Variants in PTPRT observed in about 807,000 individuals in gnomAD.
The protein encoded by PTPRT is protein tyrosine phosphatase receptor type T.
A neutral mutation model predicts 176.8 loss-of-function variants in PTPRT; 56 were observed. The ratio of observed to expected loss-of-function variants is 0.32; its 90% confidence interval spans 0.26 to 0.40. The LOEUF (loss-of-function observed/expected upper bound fraction) is 0.40. Ranked by LOEUF, PTPRT falls within the 10% of genes least tolerant of loss-of-function variation. The pLI, the probability that PTPRT is intolerant of heterozygous loss-of-function variation, is 1.00. For synonymous variants in PTPRT, 783 were observed against 739.0 expected (o/e 1.06, Z -0.96); for missense variants, 1,540 against 1,908.2 (o/e 0.81, Z 3.60).
intron 7 of PTPRT, among the ~76,000 whole-genome samples, chr20:42,648,371 C>T (rs1253365747): frequency 6.6e-6 from 1 of 152,168 alleles, no homozygotes; most frequent in Non-Finnish European, 1.5e-5. Context: ...CCAAGCCCGG[C>T]AGAGAGAGAA....
chr20:42,441,496 C>T (rs568904810), intron 9 of PTPRT, among the ~76,000 whole-genome samples: 76 of 152,278 alleles, frequency 5.0e-4, no homozygotes, highest in African/African-American at 1.7e-3. Flanking sequence ...CCTTCAGTGC[C>T]TCGAAGTTAA....
At chr20:42,236,182 T>C in intron 15 of PTPRT, 47 bp downstream of exon 15, 1 of 1,508,266 alleles carries the variant, frequency 6.6e-7, no homozygotes. Flanking sequence ...ATGCTACAGG[T>C]TCCCTTACAG....
intron 2 of PTPRT, among the ~76,000 whole-genome samples, chr20:42,797,391 G>A (rs752571608): frequency 1.3e-5 from 2 of 152,116 alleles, no homozygotes; most frequent in African/African-American, 2.4e-5. Context: ...AAAGCCAACC[G>A]TGACATGTTC....
At chr20:42,842,698 G>A (rs1163519548) in intron 2 of PTPRT, among the ~76,000 whole-genome samples, 1 of 152,192 alleles carries the variant, frequency 6.6e-6, no homozygotes, top group Non-Finnish European at 1.5e-5. Context: ...GGTATTACAG[G>A]CATGAGCCAC....
intron 1 of PTPRT, among the ~76,000 whole-genome samples, chr20:43,057,514 T>C (rs945398086): frequency 2.0e-5 from 3 of 151,956 alleles, no homozygotes; most frequent in Admixed American, 1.3e-4. Context: ...AAAAAGAAAG[T>C]GCATGTGAAA....
chr20:42,609,087 T>C (rs2073931072), intron 7 of PTPRT, among the ~76,000 whole-genome samples: 1 of 152,102 alleles, frequency 6.6e-6, no homozygotes, highest in African/African-American at 2.4e-5. Context: ...TTTCTTTTCA[T>C]TTTTGAGACA....
intron 9 of PTPRT, among the ~76,000 whole-genome samples, chr20:42,439,675 T>G (rs1021731773): frequency 1.3e-5 from 2 of 152,186 alleles, no homozygotes; most frequent in African/African-American, 4.8e-5. Flanking sequence ...GGAGACCGAC[T>G]GGATTCAATT....
At chr20:42,902,407 A>G (rs973479946) in intron 1 of PTPRT, among the ~76,000 whole-genome samples, 1 of 152,062 alleles carries the variant, frequency 6.6e-6, no homozygotes, top group African/African-American at 2.4e-5. Context: ...TCTCAGCTCC[A>G]TTAGTGACCT....
intron 5 of PTPRT, among the ~76,000 whole-genome samples, chr20:42,761,412 C>A (rs1360965200): frequency 2.0e-5 from 3 of 146,392 alleles, no homozygotes; most frequent in African/African-American, 5.1e-5. Flanking sequence ...CCAGCCTGGG[C>A]AATAAGAGAG....
chr20:42,503,851 GA>G (rs972461955), intron 7 of PTPRT, among the ~76,000 whole-genome samples: 1 of 152,006 alleles, frequency 6.6e-6, no homozygotes, highest in Non-Finnish European at 1.5e-5. Context: ...TGCCCCTTCA[GA>G]GCCAGTAAAC....
intron 1 of PTPRT, among the ~76,000 whole-genome samples, chr20:42,913,657 T>C (rs896452459): frequency 6.6e-6 from 1 of 152,228 alleles, no homozygotes; most frequent in Non-Finnish European, 1.5e-5. Context: ...TGGTACCTTT[T>C]CAAGATTGAA....
At position 42,102,294 on chromosome 20, in the gene PTPRT, G is replaced by C. The variant is rs1442090227; in HGVS notation, c.3544C>G (p.Leu1182Val). The C allele has an allele frequency of 6.2e-7, 1 of 1,613,422 alleles. No individual in the cohort carries two copies. Among genetic ancestry groups the C allele is most frequent in the Non-Finnish European group, 8.5e-7 (1 of 1,179,574 alleles). The change falls in exon 26 of 31, where the codon CTC (leucine) becomes GTC (valine). Residue 1182 changes from leucine (L) to valine (V), a missense_variant. Transcript: ENST00000373187. Reference protein sequence around the residue: ...SSQIKDEFQTLNIVTPRVRPE... With the variant: ...SSQIKDEFQTVNIVTPRVRPE... ...CGCACACGGGGTGTCACAATGTTGA[G>C]GGTCTGTGGGGCACAAAGGTGAATA...
intron 2 of PTPRT, among the ~76,000 whole-genome samples, chr20:42,883,006 G>C (rs1281676671): frequency 6.6e-6 from 1 of 152,188 alleles, no homozygotes; most frequent in Non-Finnish European, 1.5e-5. Context: ...GAGCAGAGTG[G>C]GATGTGGAGC....
At chr20:42,332,722 C>A (rs113123641) in intron 11 of PTPRT, among the ~76,000 whole-genome samples, 17 of 152,124 alleles carry the variant, frequency 1.1e-4, no homozygotes, top group African/African-American at 3.9e-4. Context: ...AGACATAAGG[C>A]AGCTTTCAAG....
rs549236154 is a variant in PTPRT at position 42,328,803 on chromosome 20, G to A, written c.1866-12807C>T. ...CGTTGCCCGGAAAGCTCTACCCAAA[G>A]CAACAAAACATAAAACCAAAACAAG... is the stretch of plus-strand genomic sequence containing the variant. On this transcript the variant is annotated intron_variant, in intron 11 of 30. Transcript: ENST00000373187. 8.5e-5 allele frequency among the ~76,000 whole-genome samples: 13 copies of A among 152,118 alleles called. No individual in the cohort carries two copies. In the South Asian group the frequency reaches 1.2e-3, roughly 15 times the overall value.
At chr20:42,226,610 A>G (rs1410891618) in intron 15 of PTPRT, among the ~76,000 whole-genome samples, 3 of 152,216 alleles carry the variant, frequency 2.0e-5, no homozygotes, top group African/African-American at 7.2e-5. Flanking sequence ...CAGTTTGTGC[A>G]TCTCAGGATC....
At chr20:42,031,918 G>A in the PTPRT span, among the ~76,000 whole-genome samples, 1 of 152,132 alleles carries the variant, frequency 6.6e-6, no homozygotes, top group Non-Finnish European at 1.5e-5. Flanking sequence ...GCAGTTCTAA[G>A]TACTTTGTAA....
chr20:42,484,867 C>T (rs2071441420), intron 7 of PTPRT, among the ~76,000 whole-genome samples: 1 of 152,208 alleles, frequency 6.6e-6, no homozygotes, highest in Admixed American at 6.5e-5. Flanking sequence ...TCAGCCTAGG[C>T]ACCTCATGCC....
chr20:42,902,308 C>T (rs1165729838), intron 1 of PTPRT, among the ~76,000 whole-genome samples: 1 of 152,206 alleles, frequency 6.6e-6, no homozygotes, highest in African/African-American at 2.4e-5. Flanking sequence ...AGTGAGTACA[C>T]TGTCCTGATG....
Sources: allele counts gnomAD v4.1 joint callset (sites outside exome capture counted in the v4.1 genomes callset), GRCh38; gene constraint gnomAD v4.1.1; transcripts MANE v1.5; gene names NCBI Gene and HGNC (gene_info 2026-07-23, HGNC 2026-07-21).